ANKRD13C: variants seen among roughly 807,000 people sequenced by gnomAD.
ANKRD13C encodes ankyrin repeat domain-containing protein 13C.
A neutral mutation model predicts 65.5 loss-of-function variants in ANKRD13C; 16 were observed. That is an observed-to-expected ratio of 0.24 (90% CI 0.17 to 0.37). The LOEUF is 0.37. ANKRD13C is among the 10% of genes least tolerant of loss of function. The pLI, the probability that ANKRD13C is intolerant of heterozygous loss-of-function variation, is 1.00. For synonymous variants in ANKRD13C, 235 were observed against 238.7 expected (o/e 0.98, Z 0.14); for missense variants, 503 against 655.9 (o/e 0.77, Z 2.55).
intron 6 of ANKRD13C, among the ~76,000 whole-genome samples, chr1:70,305,394 A>G (rs1468254328): frequency 1.3e-5 from 2 of 152,150 alleles, no homozygotes; most frequent in Non-Finnish European, 2.9e-5. Context: ...TCATCTCTAA[A>G]TTAAGACTTT....
At chr1:70,282,276 C>T (rs1183144706) in intron 9 of ANKRD13C, among the ~76,000 whole-genome samples, 7 of 151,444 alleles carry the variant, frequency 4.6e-5, no homozygotes, top group Non-Finnish European at 1.0e-4. Flanking sequence ...AGGCTGGTCT[C>T]GATCTCCTGA....
At chr1:70,284,107 T>C (rs1339132671) in intron 9 of ANKRD13C, among the ~76,000 whole-genome samples, 1 of 152,106 alleles carries the variant, frequency 6.6e-6, no homozygotes. Context: ...AGAGGCACAG[T>C]AAAAGTAATC....
At chr1:70,270,624 T>G (rs1358511876) in intron 12 of ANKRD13C, among the ~76,000 whole-genome samples, 1 of 152,092 alleles carries the variant, frequency 6.6e-6, no homozygotes, top group African/African-American at 2.4e-5. Flanking sequence ...AGGGTTCATG[T>G]TCCTACAAGA....
chr1:70,292,375 T>A lies in ANKRD13C; in HGVS notation c.1215+13A>T. The A allele has an allele frequency of 6.4e-7, 1 of 1,556,616 alleles. No individual in the cohort carries two copies. The highest frequency in any genetic ancestry group is 8.6e-7 in the Non-Finnish European group (1 of 1,158,516). On this transcript the variant is annotated intron_variant, in intron 9 of 12. Transcript: ENST00000370944. ...CTTAGAAAACTACAAATTAGAAGAA[T>A]TAAAAATTATACCTCAAAATTCTGT...
At position 70,274,805 on chromosome 1, in the gene ANKRD13C, C is replaced by T. The variant is rs1471007384; in HGVS notation, c.1309G>A (p.Gly437Ser). The change falls in exon 11 of 13, where the codon GGT (glycine) becomes AGT (serine). Residue 437 changes from glycine to serine, a missense_variant. Gly to Ser is a moderately conservative substitution (Grantham distance 56). Coordinates refer to ENST00000370944, the MANE Select transcript of ANKRD13C (RefSeq NM_030816.5). The stretch of plus-strand genomic sequence containing the variant: ...CTCTCTTTGCACACCAATTCTCTAC[C>T]CAGATGAGGAGCTCTAAAATGGGAG... ...SAENGKAPHL[G>S]RELVCKESKK... 6.2e-7 allele frequency: 1 copy of T among 1,613,150 alleles called. No individual in the cohort carries two copies. The highest frequency in any genetic ancestry group is 1.7e-5 in the Admixed American group (1 of 60,002).
intron 2 of ANKRD13C, among the ~76,000 whole-genome samples, chr1:70,329,541 GA>G (rs929324873): frequency 6.6e-6 from 1 of 150,586 alleles, no homozygotes; most frequent in African/African-American, 2.4e-5. Context: ...AAAAGAAAAA[GA>G]AAAAAAAGAT....
chr1:70,298,375 C>T (rs1680183299), intron 7 of ANKRD13C, among the ~76,000 whole-genome samples: 2 of 152,096 alleles, frequency 1.3e-5, no homozygotes. Context: ...GAAGTTATTA[C>T]TTATACATAC....
At chr1:70,309,075 C>T (rs1230809363) in intron 5 of ANKRD13C, among the ~76,000 whole-genome samples, 1 of 149,256 alleles carries the variant, frequency 6.7e-6, no homozygotes, top group African/African-American at 2.5e-5. Flanking sequence ...CAGAGTGTCG[C>T]TCTGTCACCC....
Position 70,262,954 on chromosome 1 carries a change from A to AAAAC in ANKRD13C, c.1496-108_1496-107insGTTT, listed in dbSNP as rs1349480638. On this transcript the variant is annotated intron_variant, in intron 12 of 12. Coordinates refer to ENST00000370944, the MANE Select transcript of ANKRD13C (RefSeq NM_030816.5). ...TACTCCTTAAAATGTAAAAAAAAAA[A>AAAAC]AAAAAATACTCAAGAACCAGAAGAA... 30 of 923,160 alleles carry AAAAC rather than the reference A, an allele frequency of 3.2e-5. No homozygotes were observed. The East Asian group carries it at 1.0e-3, about 32-fold the overall frequency. 57.2% of individuals were successfully genotyped at this position (923,160 alleles called of 1,614,324 possible).
intron 12 of ANKRD13C, among the ~76,000 whole-genome samples, chr1:70,270,179 C>T (rs1438674405): frequency 6.6e-6 from 1 of 152,198 alleles, no homozygotes; most frequent in South Asian, 2.1e-4. Flanking sequence ...AACATTCTCA[C>T]TACACAGAAA....
chr1:70,324,556 G>T (rs554452562), intron 3 of ANKRD13C, among the ~76,000 whole-genome samples: 1 of 152,002 alleles, frequency 6.6e-6, no homozygotes, highest in Non-Finnish European at 1.5e-5. Flanking sequence ...GGACAGTCAG[G>T]TATCAATTTT....
chr1:70,263,329 G>C (rs192310304), intron 12 of ANKRD13C, among the ~76,000 whole-genome samples: 27 of 152,186 alleles, frequency 1.8e-4, no homozygotes, highest in Non-Finnish European at 3.1e-4. Context: ...ACTTAAATGT[G>C]TGGGATAAAA....
rs1682909089 is a variant in ANKRD13C at position 70,354,435 on chromosome 1, A to T, written c.-27T>A. 2 of 1,596,538 alleles carry T rather than the reference A, an allele frequency of 1.3e-6. No homozygotes were observed. Among genetic ancestry groups the T allele is most frequent in the African/African-American group, 1.3e-5 (1 of 74,534 alleles). ...GCCGCCGCCAGGGGCAAGGGGGGGAATCGGGAGGCTCACCGCTGGCGACGG... is the reference window on the plus strand; with the variant it reads ...GCCGCCGCCAGGGGCAAGGGGGGGATTCGGGAGGCTCACCGCTGGCGACGG... On this transcript the variant is annotated 5_prime_UTR_variant, in exon 1 of 13. Transcript: ENST00000370944.
chr1:70,309,491 G>A (rs1019271853), intron 5 of ANKRD13C, among the ~76,000 whole-genome samples: 1 of 150,494 alleles, frequency 6.6e-6, no homozygotes, highest in Non-Finnish European at 1.5e-5. Context: ...GGCCGAGGCG[G>A]GTGGATCACG....
At chr1:70,343,968 T>C (rs544118420) in intron 1 of ANKRD13C, among the ~76,000 whole-genome samples, 23 of 152,162 alleles carry the variant, frequency 1.5e-4, no homozygotes, top group African/African-American at 5.5e-4. Flanking sequence ...CCATGCAACA[T>C]GGGGAGATCT....
At chr1:70,273,293 A>T (rs1416262500) in intron 11 of ANKRD13C, among the ~76,000 whole-genome samples, 1 of 152,202 alleles carries the variant, frequency 6.6e-6, no homozygotes. Context: ...AAAAAAATTA[A>T]TGCATTAGGC....
intron 2 of ANKRD13C, among the ~76,000 whole-genome samples, chr1:70,332,567 G>A (rs1452436369): frequency 6.6e-6 from 1 of 152,146 alleles, no homozygotes; most frequent in Non-Finnish European, 1.5e-5. Context: ...CTGGGTTCAA[G>A]TGATTCTCCT....
At chr1:70,301,007 T>C in intron 6 of ANKRD13C, 99 bp from the exon 7 acceptor site, 1 of 1,240,114 alleles carries the variant, frequency 8.1e-7, no homozygotes, top group South Asian at 1.7e-5. Context: ...CAAACCAAGA[T>C]GCTAATACCA....
intron 10 of ANKRD13C, among the ~76,000 whole-genome samples, chr1:70,276,109 C>T (rs1453841755): frequency 6.6e-6 from 1 of 151,754 alleles, no homozygotes; most frequent in Non-Finnish European, 1.5e-5. Context: ...ATATTTTATT[C>T]TCCACCAAAA....
Sources: gnomAD v4.1 joint callset for allele counts (sites outside exome capture counted in the v4.1 genomes callset) on GRCh38, gnomAD v4.1.1 for gene constraint, MANE v1.5 for transcripts, NCBI Gene and HGNC (gene_info 2026-07-23, HGNC 2026-07-21) for gene names.